Variants in PTBP3 observed in about 807,000 individuals in gnomAD.
The protein encoded by PTBP3 is polypyrimidine tract-binding protein 3.
PTBP3 carries 20 observed loss-of-function variants against 58.7 expected under a neutral mutation model. The observed-to-expected ratio is 0.34, with a 90% CI of 0.24 to 0.50. The LOEUF is 0.50. PTBP3 is among the 20% of genes least tolerant of loss of function. PTBP3 has a pLI of 0.98. For synonymous variants in PTBP3, 185 were observed against 219.8 expected (o/e 0.84, Z 1.40); for missense variants, 509 against 637.2 (o/e 0.80, Z 2.17).
At chr9:112,370,558 G>A in the PTBP3 span, among the ~76,000 whole-genome samples, 1 of 151,998 alleles carries the variant, frequency 6.6e-6, no homozygotes, top group Non-Finnish European at 1.5e-5. Flanking sequence ...AAAAAAATCT[G>A]GAAGTATGAG....
intron 2 of PTBP3, among the ~76,000 whole-genome samples, chr9:112,283,487 TG>T (rs780884893): frequency 2.6e-5 from 4 of 152,200 alleles, no homozygotes; most frequent in Non-Finnish European, 4.4e-5. Context: ...GCTAGAGATC[TG>T]TGGAACTCTG....
intron 5 of PTBP3, among the ~76,000 whole-genome samples, chr9:112,256,720 G>T (rs1051723807): frequency 6.6e-6 from 1 of 151,848 alleles, no homozygotes; most frequent in South Asian, 2.1e-4. Context: ...ATGGGGTCTC[G>T]CTACCTTACC....
the PTBP3 span, among the ~76,000 whole-genome samples, chr9:112,372,476 A>G: frequency 3.9e-5 from 6 of 152,228 alleles, no homozygotes; most frequent in African/African-American, 7.2e-5. Context: ...TATAATTACT[A>G]TGTTGTGTGA....
the PTBP3 span, among the ~76,000 whole-genome samples, chr9:112,354,009 G>A: frequency 1.8e-4 from 28 of 151,960 alleles, no homozygotes; most frequent in African/African-American, 6.3e-4. Flanking sequence ...CTATTATAAT[G>A]GACAAAATAG....
intron 1 of PTBP3, among the ~76,000 whole-genome samples, chr9:112,301,943 C>T (rs1215651333): frequency 6.6e-6 from 1 of 152,000 alleles, no homozygotes; most frequent in Non-Finnish European, 1.5e-5. Context: ...CATTCTCAGC[C>T]AAAGGATTCC....
intron 2 of PTBP3, among the ~76,000 whole-genome samples, chr9:112,276,373 AC>A (rs1309640252): frequency 2.6e-5 from 4 of 152,228 alleles, no homozygotes; most frequent in African/African-American, 9.6e-5. Context: ...TATTTTAAGG[AC>A]ATTTTTCTAA....
the PTBP3 span, among the ~76,000 whole-genome samples, chr9:112,345,860 T>G: frequency 6.6e-6 from 1 of 152,032 alleles, no homozygotes; most frequent in African/African-American, 2.4e-5. Context: ...ATTTTCTTTT[T>G]TTTTTTCTTT....
the PTBP3 span, among the ~76,000 whole-genome samples, chr9:112,366,588 A>AG: frequency 2.8e-4 from 42 of 152,242 alleles, no homozygotes; most frequent in African/African-American, 9.9e-4. Context: ...AGTTCACAGA[A>AG]GATTTGGGGT....
intron 2 of PTBP3, among the ~76,000 whole-genome samples, chr9:112,277,682 C>T (rs940845484): frequency 6.6e-6 from 1 of 151,856 alleles, no homozygotes; most frequent in Non-Finnish European, 1.5e-5. Flanking sequence ...CAGGGCAAAA[C>T]CCCATCTCTA....
the PTBP3 span, among the ~76,000 whole-genome samples, chr9:112,347,224 G>A: frequency 6.6e-6 from 1 of 152,028 alleles, no homozygotes. Context: ...CAAATAAATT[G>A]TGGCATATTC....
chr9:112,227,304 C>G, intron 12 of PTBP3, 107 bp downstream of exon 12: 1 of 1,170,528 alleles, frequency 8.5e-7, no homozygotes, highest in Non-Finnish European at 1.3e-6. Context: ...AACTGTTGAC[C>G]AGGACAACTG....
chr9:112,306,673 G>C (rs755487058), intron 1 of PTBP3, among the ~76,000 whole-genome samples: 2 of 151,554 alleles, frequency 1.3e-5, no homozygotes, highest in Non-Finnish European at 2.9e-5. Context: ...ATGCAGTGCA[G>C]TGGCGCTACT....
chr9:112,330,220 A>G (rs929250495), intron 1 of PTBP3, among the ~76,000 whole-genome samples: 7 of 152,188 alleles, frequency 4.6e-5, no homozygotes, highest in African/African-American at 1.7e-4. Flanking sequence ...TTTAAGTGAA[A>G]CTTTGGGCTA....
At chr9:112,269,328 G>C (rs1421570203) in intron 3 of PTBP3, among the ~76,000 whole-genome samples, 1 of 151,746 alleles carries the variant, frequency 6.6e-6, no homozygotes, top group African/African-American at 2.4e-5. Flanking sequence ...AAAAAACAGA[G>C]GAAAAAACAT....
At chr9:112,229,675 A>G (rs1835126068) in intron 10 of PTBP3, among the ~76,000 whole-genome samples, 2 of 152,226 alleles carry the variant, frequency 1.3e-5, no homozygotes, top group African/African-American at 4.8e-5. Flanking sequence ...CTCAGAAATA[A>G]CACGATGGTG....
rs41280171 is a variant in PTBP3 at position 112,222,354 on chromosome 9, C to A, written c.*1497G>T. On this transcript the variant is annotated 3_prime_UTR_variant, in exon 14 of 14. Transcript: ENST00000374257. The stretch of plus-strand genomic sequence containing the variant: ...GGGACAGAGTATGAGAAATAACCCA[C>A]CTTCTCATACTCCAAATACGTGGGT... 0.013 allele frequency: 12,498 copies of A among 984,874 alleles called. 101 individuals carry two copies. The highest frequency in any genetic ancestry group is 0.014 in the Non-Finnish European group (11,771 of 829,096). The allele number at this position is 984,874 out of a possible 1,614,324, so 61.0% of individuals were successfully genotyped here.
At chr9:112,320,713 A>G (rs559562746) in intron 1 of PTBP3, among the ~76,000 whole-genome samples, 1 of 152,322 alleles carries the variant, frequency 6.6e-6, no homozygotes, top group African/African-American at 2.4e-5. Flanking sequence ...AAGGGATAAG[A>G]ATACAGTATA....
chr9:112,310,200 A>G (rs894406977), intron 1 of PTBP3, among the ~76,000 whole-genome samples: 1 of 152,238 alleles, frequency 6.6e-6, no homozygotes, highest in African/African-American at 2.4e-5. Context: ...AAGGTAGAGG[A>G]AATTTTTTCA....
At chr9:112,292,782 TA>T (rs1828497370) in intron 2 of PTBP3, among the ~76,000 whole-genome samples, 1 of 152,198 alleles carries the variant, frequency 6.6e-6, no homozygotes, top group Admixed American at 6.5e-5. Flanking sequence ...GAGTTGTTGC[TA>T]AATGGACAGA....
Sources: gnomAD v4.1 joint callset for allele counts (sites outside exome capture counted in the v4.1 genomes callset) on GRCh38, gnomAD v4.1.1 for gene constraint, MANE v1.5 for transcripts, NCBI Gene and HGNC (gene_info 2026-07-23, HGNC 2026-07-21) for gene names.